The following EFHB variants were observed in gnomAD, a reference collection of about 807,000 sequenced individuals.
EFHB encodes EF-hand domain-containing family member B.
A neutral mutation model predicts 87.2 loss-of-function variants in EFHB; 91 were observed. That is an observed-to-expected ratio of 1.04 (90% CI 0.88 to 1.24). The LOEUF (loss-of-function observed/expected upper bound fraction) is 1.24, where lower values mean the gene tolerates loss of function less well. Among genes scored for constraint, EFHB ranks in the 50% most tolerant of loss-of-function variants. The probability of loss-of-function intolerance (pLI) is 0.00; values close to 1 mark genes in which losing one functional copy is unlikely to be tolerated. For missense variants in EFHB, 1,084 were observed against 998.8 expected, an observed-to-expected ratio of 1.09 and a Z score of -1.15; for synonymous variants, 325 against 333.6, an observed-to-expected ratio of 0.97 and a Z score of 0.28.
intron 1 of EFHB, chr3:19,943,333 G>C (rs935863571): frequency 5.2e-6 from 1 of 192,146 alleles, no homozygotes; most frequent in Non-Finnish European, 1.1e-5. Flanking sequence ...TTGCATGTAG[G>C]CCGGATTGGA....
chr3:19,879,525 A>G lies in EFHB; in HGVS notation c.*106T>C, dbSNP rs2071619943. On this transcript the variant is annotated 3_prime_UTR_variant, in exon 13 of 13. Coordinates refer to ENST00000295824, the MANE Select transcript of EFHB (RefSeq NM_144715.4). ...CAACACATACAGGCATATGAGTCTT[A>G]CCACTGTGAACTCTAACATAATATC... 10 of 1,254,222 alleles carry G rather than the reference A, an allele frequency of 8.0e-6. No homozygotes were observed. Among genetic ancestry groups the G allele is most frequent in the Non-Finnish European group, 1.1e-5 (10 of 923,470 alleles). The allele number at this position is 1,254,222 out of a possible 1,614,324, so 77.7% of individuals were successfully genotyped here.
chr3:19,888,403 T>A lies in EFHB; in HGVS notation c.1933+41A>T, dbSNP rs760733942. 7.5e-5 allele frequency: 88 copies of A among 1,171,286 alleles called. 1 individual carries two copies. Among genetic ancestry groups the A allele is most frequent in the Middle Eastern group, 3.0e-4 (1 of 3,282 alleles). The allele number at this position is 1,171,286 out of a possible 1,614,324, so 72.6% of individuals were successfully genotyped here. On this transcript the variant is annotated intron_variant, in intron 10 of 12. Transcript: ENST00000295824. ...AATAATAATAATAAATTTTAAAATT[T>A]AAAAAAATAATAATTCATCAAACCT... is the stretch of plus-strand genomic sequence containing the variant.
At chr3:19,908,520 A>C (rs1439785041) in intron 5 of EFHB, among the ~76,000 whole-genome samples, 1 of 150,484 alleles carries the variant, frequency 6.6e-6, no homozygotes, top group African/African-American at 2.4e-5. Context: ...ACGAAAGAGC[A>C]AAACTCCGTC....
chr3:19,912,731 T>G (rs1695104407), intron 5 of EFHB, among the ~76,000 whole-genome samples: 1 of 152,214 alleles, frequency 6.6e-6, no homozygotes, highest in African/African-American at 2.4e-5. Context: ...GGGAGAAAGT[T>G]AAGGCATAGA....
chr3:19,912,800 G>A (rs1285122845), intron 5 of EFHB, among the ~76,000 whole-genome samples: 1 of 152,094 alleles, frequency 6.6e-6, no homozygotes, highest in Non-Finnish European at 1.5e-5. Context: ...GTTGTTATCA[G>A]GTTAAAATAA....
intron 5 of EFHB, among the ~76,000 whole-genome samples, 190 bp from the exon 6 acceptor site, chr3:19,905,939 T>C (rs1036571733): frequency 6.6e-6 from 1 of 152,140 alleles, no homozygotes; most frequent in Admixed American, 6.5e-5. Flanking sequence ...GGGAGACTGG[T>C]GGGATGCTAC....
intron 10 of EFHB, among the ~76,000 whole-genome samples, chr3:19,887,592 G>A (rs1324885432): frequency 6.6e-6 from 1 of 152,080 alleles, no homozygotes; most frequent in Admixed American, 6.6e-5. Context: ...CTCACTGGAA[G>A]AAGACTTATC....
Position 19,879,816 on chromosome 3 carries a change from C to T in EFHB, c.2329-12G>A, listed in dbSNP as rs2071628236. On this transcript the variant is annotated splice_polypyrimidine_tract_variant and intron_variant, in intron 12 of 12. Coordinates refer to ENST00000295824, the MANE Select transcript of EFHB (RefSeq NM_144715.4). ...AATATCTCTGCAATCTAGAAAAAGGCATTTAAAATAGACCATGATTTATAT... is the reference window on the plus strand; with the variant it reads ...AATATCTCTGCAATCTAGAAAAAGGTATTTAAAATAGACCATGATTTATAT... The T allele has an allele frequency of 6.4e-7, 1 of 1,562,008 alleles. No homozygotes were observed. The highest frequency in any genetic ancestry group is 8.6e-7 in the Non-Finnish European group (1 of 1,157,018).
intron 11 of EFHB, among the ~76,000 whole-genome samples, chr3:19,882,952 T>G (rs1481941978): frequency 1.3e-5 from 2 of 152,176 alleles, no homozygotes; most frequent in African/African-American, 4.8e-5. Context: ...ATATATATCG[T>G]ATTAAAATTA....
upstream of EFHB, among the ~76,000 whole-genome samples, chr3:19,938,284 G>A (rs551189008): frequency 4.6e-5 from 7 of 152,282 alleles, no homozygotes; most frequent in African/African-American, 1.4e-4. Flanking sequence ...ATATACATTT[G>A]TCAAAACATG....
chr3:19,908,598 GAGAAAGAA>G (rs767343345), intron 5 of EFHB, among the ~76,000 whole-genome samples: 1,078 of 77,496 alleles, frequency 0.014, 13 homozygotes, highest in Non-Finnish European at 0.017. Context: ...GAGAGAGAGA[GAGAAAGAA>G]AGAAAGAAAG....
rs755147016 is a variant in EFHB, at chr3:19,884,450, G to C, written c.2099C>G (p.Thr700Arg). 1.9e-6 allele frequency: 3 copies of C among 1,613,932 alleles called. No individual in the cohort carries two copies. Among genetic ancestry groups the C allele is most frequent in the Non-Finnish European group, 2.5e-6 (3 of 1,179,876 alleles). Residue 700 changes from threonine (T) to arginine (R), a missense_variant, in exon 11 of 13, where the codon ACA becomes AGA. By Grantham distance (71) the Thr-to-Arg change is moderately conservative (BLOSUM62 -1). Coordinates refer to ENST00000295824, the MANE Select transcript of EFHB (RefSeq NM_144715.4). ...PSDKVSNYYK[T>R]TSSEINAIVG... ...AATTGCATTGATCTCAGAAGAAGTTGTCTTATAGTAGTTGGAAACTTTATC... is the reference window on the plus strand; with the variant it reads ...AATTGCATTGATCTCAGAAGAAGTTCTCTTATAGTAGTTGGAAACTTTATC...
chr3:19,941,793 G>T (rs1361369734), intron 1 of EFHB, among the ~76,000 whole-genome samples: 2 of 150,264 alleles, frequency 1.3e-5, no homozygotes, highest in African/African-American at 4.9e-5. Flanking sequence ...GGAGGCAGAG[G>T]TTGCAGTGAG....
In EFHB at chr3:19,939,367, CTCCTT is replaced by C. The variant is rs1247465820; in HGVS notation, c.-31-3038_-31-3034del. On this transcript the variant is annotated intron_variant, in intron 1 of 14. Transcript: ENST00000344838. ...TCTTGCCACTCAAACTGGGTTGGGT[CTCCTT>C]TTTTTTTTTTTTTTTTTTTTTTTTT... Among the ~76,000 whole-genome samples, 48 of 102,484 alleles carry C rather than the reference CTCCTT, an allele frequency of 4.7e-4. 3 individuals carry two copies. Among genetic ancestry groups the C allele is most frequent in the African/African-American group, 1.8e-3 (46 of 25,364 alleles). The allele number at this position is 102,484 out of a possible 152,430, so 67.2% of individuals were successfully genotyped here.
At chr3:19,891,036 C>T (rs1201277843) in intron 9 of EFHB, among the ~76,000 whole-genome samples, 2 of 151,682 alleles carry the variant, frequency 1.3e-5, no homozygotes, top group East Asian at 1.9e-4. Flanking sequence ...CTCAGCTTTA[C>T]GTGTAAAAGA....
chr3:19,912,416 G>A (rs1559462295), intron 5 of EFHB, among the ~76,000 whole-genome samples: 1 of 152,080 alleles, frequency 6.6e-6, no homozygotes, highest in Non-Finnish European at 1.5e-5. Context: ...AAAGCAGAGG[G>A]ATTTCATAAA....
intron 6 of EFHB, among the ~76,000 whole-genome samples, chr3:19,905,247 G>A (rs188225603): frequency 2.6e-5 from 4 of 152,228 alleles, no homozygotes; most frequent in Admixed American, 2.0e-4. Flanking sequence ...GCAAGATGCT[G>A]TCTCAATAAA....
At chr3:19,887,887 C>T (rs1188694890) in intron 10 of EFHB, among the ~76,000 whole-genome samples, 4 of 152,234 alleles carry the variant, frequency 2.6e-5, no homozygotes, top group South Asian at 2.1e-4. Flanking sequence ...CTCAGATAAT[C>T]GTTTTTAAAC....
At chr3:19,888,294 A>G in intron 10 of EFHB, 150 bp downstream of exon 10, 1 of 296,858 alleles carries the variant, frequency 3.4e-6, no homozygotes. Flanking sequence ...TGGGAGGCCA[A>G]AGCAAGAGAA....
Sources: allele counts gnomAD v4.1 joint callset (sites outside exome capture counted in the v4.1 genomes callset), GRCh38; gene constraint gnomAD v4.1.1; transcripts MANE v1.5; gene names NCBI Gene and HGNC (gene_info 2026-07-23, HGNC 2026-07-21).